C2: variants seen among roughly 807,000 people sequenced by gnomAD.
C2 encodes the protein complement C2, also known as C3/C5 convertase.
Under a neutral mutation model 85.2 loss-of-function variants are expected in C2, and 64 were observed. That is an observed-to-expected ratio of 0.75 (90% CI 0.61 to 0.92). The LOEUF (loss-of-function observed/expected upper bound fraction) is 0.92. Among genes scored for constraint, C2 ranks in the 40% least tolerant of loss-of-function variants. The pLI is 0.00. For missense variants in C2, 820 were observed against 971.6 expected, an observed-to-expected ratio of 0.84 and a Z score of 2.07; for synonymous variants, 311 against 370.8, an observed-to-expected ratio of 0.84 and a Z score of 1.85.
In C2 at chr6:31,944,735, C is replaced by T; in HGVS notation, c.1911C>T (p.Ser637=). 1.2e-6 allele frequency: 2 copies of T among 1,613,090 alleles called. No individual in the cohort carries two copies. The highest frequency in any genetic ancestry group is 1.7e-6 in the Non-Finnish European group (2 of 1,180,022). ...INLKMGVEWT[S]CAEVVSQEKT... is the part of the protein sequence containing the mutation. ...TTCCACCCCTGCTGCAGTGGACAAG[C>T]TGTGCCGAGGTTGTCTCCCAAGAAA... The change falls in exon 16 of 18, where the codon AGC becomes AGT. Residue 637 remains serine, a synonymous_variant. Transcript: ENST00000299367. The surrounding 1 kb of genome is among the most constrained non-coding windows in gnomAD (Gnocchi z 5.1).
At position 31,944,634 on chromosome 6, in the gene C2, A is replaced by G; in HGVS notation, c.1903-93A>G. 2 of 1,411,766 alleles carry G rather than the reference A, an allele frequency of 1.4e-6. No homozygotes were observed. The highest frequency in any genetic ancestry group is 1.4e-5 in the African/African-American group (1 of 70,488). The allele number at this position is 1,411,766 out of a possible 1,614,324, so 87.5% of individuals were successfully genotyped here. A position where few individuals can be genotyped will look rare whatever the true frequency, so the allele number is the denominator to read the frequency against. On this transcript the variant is annotated intron_variant, in intron 15 of 17. Coordinates refer to ENST00000299367, the MANE Select transcript of C2 (RefSeq NM_000063.6). The surrounding 1 kb of genome is among the most constrained non-coding windows in gnomAD (Gnocchi z 5.1). ...GACCTCAAGTGATCTGCCTGCCTCA[A>G]CCTCCCAAAGTGCTGAGATTACAGG...
chr6:31,924,547 T>C (rs899090286), upstream of C2, among the ~76,000 whole-genome samples: 2 of 152,130 alleles, frequency 1.3e-5, no homozygotes, highest in African/African-American at 4.8e-5. Flanking sequence ...CCCAGAAAAC[T>C]TGGGAGTTTT....
At chr6:31,900,289 C>T (rs746903323), upstream of C2, 76 of 1,612,888 alleles carry the variant, frequency 4.7e-5, no homozygotes, top group Non-Finnish European at 6.0e-5. The surrounding 1 kb of genome is among the most constrained non-coding windows in gnomAD (Gnocchi z 9.7). Context: ...GGAACACTTC[C>T]GGGCACTTGG....
upstream of C2, among the ~76,000 whole-genome samples, chr6:31,917,917 A>C (rs952239472): frequency 6.6e-6 from 1 of 152,102 alleles, no homozygotes; most frequent in Non-Finnish European, 1.5e-5. Flanking sequence ...AAAAAAGAGA[A>C]AGAAAATGTG....
upstream of C2, among the ~76,000 whole-genome samples, chr6:31,923,589 T>C (rs1311668398): frequency 6.6e-6 from 1 of 151,654 alleles, no homozygotes; most frequent in East Asian, 1.9e-4. Context: ...GTTCACGCCA[T>C]TCGCCTGCCT....
upstream of C2, among the ~76,000 whole-genome samples, chr6:31,915,013 G>A (rs748255018): frequency 3.9e-5 from 6 of 152,146 alleles, no homozygotes; most frequent in African/African-American, 7.2e-5. Context: ...CAGGGGCCCC[G>A]TGGTCTATGC....
At chr6:31,942,485 G>A (rs1294599876) in intron 9 of C2, among the ~76,000 whole-genome samples, 1 of 151,028 alleles carries the variant, frequency 6.6e-6, no homozygotes, top group Admixed American at 6.6e-5. Flanking sequence ...AAGCTAAGGG[G>A]TGTTGCCATG....
At chr6:31,901,583 G>A (rs1450493957) in intron 1 of C2, among the ~76,000 whole-genome samples, 2 of 151,502 alleles carry the variant, frequency 1.3e-5, no homozygotes, top group African/African-American at 2.4e-5. Flanking sequence ...GCGCGCCCAC[G>A]GTGGAAGGAC....
rs781171982 is a variant in C2 at position 31,944,125 on chromosome 6, T to A, written c.1811-10T>A. The A allele has an allele frequency of 6.2e-7, 1 of 1,610,696 alleles. No homozygotes were observed. The highest frequency in any genetic ancestry group is 8.5e-7 in the Non-Finnish European group (1 of 1,177,896). On this transcript the variant is annotated splice_polypyrimidine_tract_variant and intron_variant, in intron 14 of 17. Coordinates refer to ENST00000299367, the MANE Select transcript of C2 (RefSeq NM_000063.6). This position sits in a 1 kb window ranked among gnomAD's most constrained non-coding sequence, Gnocchi z 5.1. ...GGACCAGCACCAACATCCCCTTCTC[T>A]TGACTATAGAGAATGAACTGCTGAA...
At chr6:31,919,962 C>T (rs527492552), upstream of C2, 1 of 152,296 alleles carries the variant, frequency 6.6e-6, no homozygotes, top group South Asian at 2.1e-4. Context: ...TCCTAATTCT[C>T]AAAGGTAACC....
chr6:31,900,715 C>G (rs200727293), upstream of C2: 3 of 1,602,770 alleles, frequency 1.9e-6, no homozygotes, highest in South Asian at 2.2e-5. The surrounding 1 kb of genome is among the most constrained non-coding windows in gnomAD (Gnocchi z 9.7). Context: ...CATCCTCATC[C>G]TCTTCCTCGG....
intron 3 of C2, among the ~76,000 whole-genome samples, chr6:31,932,717 G>T (rs1429030204): frequency 6.6e-6 from 1 of 152,136 alleles, no homozygotes; most frequent in African/African-American, 2.4e-5. Context: ...ACGGGGTGGC[G>T]GCCGGGCAGA....
At chr6:31,927,425 G>A, upstream of C2, 1 of 1,225,066 alleles carries the variant, frequency 8.2e-7, no homozygotes, top group Non-Finnish European at 1.1e-6. This position sits in a 1 kb window ranked among gnomAD's most constrained non-coding sequence, Gnocchi z 4.7. Flanking sequence ...GTGTTTGCCT[G>A]CGTGTTTGTG....
rs1166183698 is a variant in C2, at chr6:31,943,548, G to C, written c.1567+21G>C. 2 of 1,606,378 alleles carry C rather than the reference G, an allele frequency of 1.2e-6. No individual in the cohort carries two copies. Among genetic ancestry groups the C allele is most frequent in the South Asian group, 2.2e-5 (2 of 90,738 alleles). ...TGTGGGTAAGGCAGGGGATGCACCA[G>C]CCTCCTGATCCTGAAGCCACAGATC... On this transcript the variant is annotated intron_variant, in intron 12 of 17. Coordinates refer to ENST00000299367, the MANE Select transcript of C2 (RefSeq NM_000063.6). This position sits in a 1 kb window ranked among gnomAD's most constrained non-coding sequence, Gnocchi z 6.4.
At chr6:31,937,261 A>G in intron 7 of C2, 58 bp from the exon 8 acceptor site, 2 of 1,582,976 alleles carry the variant, frequency 1.3e-6, no homozygotes, top group Non-Finnish European at 1.7e-6. Flanking sequence ...GTGATTCCCT[A>G]CCCCTAGGTG....
At chr6:31,898,719 G>A (rs573939604), upstream of C2, among the ~76,000 whole-genome samples, 2 of 148,560 alleles carry the variant, frequency 1.3e-5, no homozygotes, top group South Asian at 2.1e-4. Context: ...ACAGACTCCT[G>A]CTTACAATTT....
At chr6:31,900,356 C>T (rs760944494), upstream of C2, 9 of 1,599,080 alleles carry the variant, frequency 5.6e-6, 1 homozygote, top group South Asian at 6.7e-5. The surrounding 1 kb of genome is among the most constrained non-coding windows in gnomAD (Gnocchi z 9.7). Flanking sequence ...CAGGGGTCCC[C>T]GGCTGCCCCC....
chr6:31,936,074 T>A lies in C2; in HGVS notation c.988+13T>A. 1.9e-6 allele frequency: 3 copies of A among 1,612,666 alleles called. No homozygotes were observed. Among genetic ancestry groups the A allele is most frequent in the Non-Finnish European group, 2.5e-6 (3 of 1,179,870 alleles). On this transcript the variant is annotated intron_variant, in intron 7 of 17. Transcript: ENST00000299367. Reference sequence around the variant, plus strand: ...GCCAACTATAAAGGTACGGGTGTCATCACGTGATGGTGATGAGAGAGGAGA... The same window carrying A: ...GCCAACTATAAAGGTACGGGTGTCAACACGTGATGGTGATGAGAGAGGAGA...
chr6:31,933,923 T>G lies in C2; in HGVS notation c.673T>G (p.Ser225Ala), dbSNP rs774731673. The G allele has an allele frequency of 5.6e-6, 9 of 1,614,058 alleles. No individual in the cohort carries two copies. The East Asian group carries it at 2.0e-4, about 36-fold the overall frequency. Residue 225 changes from serine (S) to alanine (A), a missense_variant, in exon 5 of 18, where the codon TCC becomes GCC. Coordinates refer to ENST00000299367, the MANE Select transcript of C2 (RefSeq NM_000063.6). ...DVAPALGTSF[S>A]HMLGATNPTQ... ...GGCCCCTGCCCTGGGCACTTCCTTC[T>G]CCCACATGCTTGGGGCCACCAATCC...
Sources: allele counts gnomAD v4.1 joint callset (sites outside exome capture counted in the v4.1 genomes callset), GRCh38; gene constraint gnomAD v4.1.1; non-coding constraint Gnocchi (gnomAD v3.1); transcripts MANE v1.5; gene names NCBI Gene and HGNC (gene_info 2026-07-23, HGNC 2026-07-21).